IGF1R: variants seen among roughly 807,000 people sequenced by gnomAD.
IGF1R encodes the protein insulin-like growth factor 1 receptor.
In IGF1R, 44 loss-of-function variants were observed where a neutral mutation model predicts 144.6. That is an observed-to-expected ratio of 0.30 (90% CI 0.24 to 0.39). The LOEUF is 0.39. Ranked by LOEUF, IGF1R falls within the 10% of genes least tolerant of loss-of-function variation. The probability of loss-of-function intolerance (pLI) is 1.00; values close to 1 mark genes in which losing one functional copy is unlikely to be tolerated. For missense variants in IGF1R, 1,355 were observed against 1,833.7 expected, an observed-to-expected ratio of 0.74 and a Z score of 4.77; for synonymous variants, 795 against 722.8, an observed-to-expected ratio of 1.10 and a Z score of -1.60.
At chr15:98,864,251 T>C (rs1308502016) in intron 2 of IGF1R, among the ~76,000 whole-genome samples, 1 of 152,192 alleles carries the variant, frequency 6.6e-6, no homozygotes, top group Non-Finnish European at 1.5e-5. Flanking sequence ...CAAGACACTG[T>C]CTCAAATAAA....
intron 2 of IGF1R, among the ~76,000 whole-genome samples, chr15:98,759,162 G>C (rs2055231938): frequency 6.6e-6 from 1 of 152,136 alleles, no homozygotes; most frequent in African/African-American, 2.4e-5. Context: ...CACGCACAGG[G>C]GCAGGGGGCA....
intron 2 of IGF1R, among the ~76,000 whole-genome samples, chr15:98,889,281 C>T (rs1036003655): frequency 1.3e-5 from 2 of 152,144 alleles, no homozygotes; most frequent in East Asian, 1.9e-4. Flanking sequence ...TCAGAGGTGA[C>T]GCTATTCATT....
rs576849094 is a variant in IGF1R at position 98,828,539 on chromosome 15, G to C, written c.641-62786G>C. 7.8e-4 allele frequency among the ~76,000 whole-genome samples: 118 copies of C among 152,142 alleles called. 1 individual carries two copies. Among genetic ancestry groups the C allele is most frequent in the Non-Finnish European group, 1.5e-3 (102 of 68,006 alleles). ...CTTGGGAAACCGTGGAGAGAGAAAA[G>C]GCATAGTCAGAATGTTTTCAGAGGA... On this transcript the variant is annotated intron_variant, in intron 2 of 20. Transcript: ENST00000650285.
intron 2 of IGF1R, among the ~76,000 whole-genome samples, chr15:98,760,349 CA>C (rs772900938): frequency 2.1e-3 from 260 of 125,270 alleles, no homozygotes; most frequent in Admixed American, 3.0e-3. Flanking sequence ...GAGACTGCCT[CA>C]AAAAAAAAAA....
chr15:98,734,678 G>A (rs1360497229), intron 2 of IGF1R: 1 of 152,202 alleles, frequency 6.6e-6, no homozygotes, highest in Non-Finnish European at 1.5e-5. Context: ...ACTGCCCTTT[G>A]TGTTTTAATG....
intron 2 of IGF1R, among the ~76,000 whole-genome samples, chr15:98,864,570 C>T (rs972233960): frequency 5.3e-5 from 8 of 152,138 alleles, no homozygotes; most frequent in African/African-American, 9.7e-5. Flanking sequence ...TTTAATTTTT[C>T]GTAGAGATGG....
chr15:98,741,326 C>G (rs2141315814), intron 2 of IGF1R, among the ~76,000 whole-genome samples: 1 of 133,674 alleles, frequency 7.5e-6, no homozygotes, highest in South Asian at 2.6e-4. Context: ...CTTCCAGAAA[C>G]TTTTAGATGC....
chr15:98,843,138 C>T (rs1204397316), intron 2 of IGF1R, among the ~76,000 whole-genome samples: 1 of 152,216 alleles, frequency 6.6e-6, no homozygotes, highest in Non-Finnish European at 1.5e-5. Flanking sequence ...TGTGAAATTG[C>T]TCTTACCATT....
chr15:98,836,165 G>C (rs767990261), intron 2 of IGF1R, among the ~76,000 whole-genome samples: 2 of 150,778 alleles, frequency 1.3e-5, no homozygotes, highest in Non-Finnish European at 2.9e-5. Context: ...ACTGGCCGGG[G>C]AGAAACTGAA....
At chr15:98,924,473 C>T (rs943625756) in intron 12 of IGF1R, 52 bp from the exon 13 acceptor site, 86 of 1,586,566 alleles carry the variant, frequency 5.4e-5, no homozygotes, top group Non-Finnish European at 1.2e-5. Context: ...TGGCAGGCCC[C>T]AGATTTCTCC....
At chr15:98,926,634 C>T (rs2015732336) in intron 13 of IGF1R, among the ~76,000 whole-genome samples, 1 of 152,146 alleles carries the variant, frequency 6.6e-6, no homozygotes, top group Admixed American at 6.5e-5. Context: ...CTGGTCAGCA[C>T]CAGATATTCT....
chr15:98,856,838 C>T (rs1252939470), intron 2 of IGF1R, among the ~76,000 whole-genome samples: 1 of 152,166 alleles, frequency 6.6e-6, no homozygotes, highest in Admixed American at 6.5e-5. Context: ...GAGCTGACTC[C>T]TGGGCAGAGA....
intron 2 of IGF1R, among the ~76,000 whole-genome samples, chr15:98,806,047 G>A (rs1444780814): frequency 6.6e-6 from 1 of 152,148 alleles, no homozygotes; most frequent in Non-Finnish European, 1.5e-5. Flanking sequence ...TTGTTGCCAG[G>A]CCCCTTGCTT....
chr15:98,769,872 A>AT (rs1340945763), intron 2 of IGF1R, among the ~76,000 whole-genome samples: 1 of 151,906 alleles, frequency 6.6e-6, no homozygotes, highest in Non-Finnish European at 1.5e-5. Context: ...ATGCTCAAAG[A>AT]TTTTTCCAGG....
intron 1 of IGF1R, among the ~76,000 whole-genome samples, chr15:98,658,269 C>T (rs1444050288): frequency 6.6e-6 from 1 of 152,214 alleles, no homozygotes; most frequent in Non-Finnish European, 1.5e-5. Flanking sequence ...CTTCCATCCT[C>T]AATACTGAAT....
At chr15:98,778,792 T>C (rs2055783055) in intron 2 of IGF1R, among the ~76,000 whole-genome samples, 1 of 152,188 alleles carries the variant, frequency 6.6e-6, no homozygotes, top group Non-Finnish European at 1.5e-5. Context: ...AGTGGGTGGA[T>C]CACACATGGC....
At position 98,935,131 on chromosome 15, in the gene IGF1R, T is replaced by C. The variant is rs1011051417; in HGVS notation, c.3186+78T>C. Reference sequence around the variant, plus strand: ...ACAAGCCTCCCAGTATGTTCTTGGCTGCATGTACCCGTGGGTTTGGTGTCT... The same window carrying C: ...ACAAGCCTCCCAGTATGTTCTTGGCCGCATGTACCCGTGGGTTTGGTGTCT... On this transcript the variant is annotated intron_variant, in intron 16 of 20. Transcript: ENST00000650285. The surrounding 1 kb of genome is among the most constrained non-coding windows in gnomAD (Gnocchi z 4.2). 1 of 1,261,274 alleles carries C rather than the reference T, an allele frequency of 7.9e-7. No individual in the cohort carries two copies. The highest frequency in any genetic ancestry group is 1.2e-6 in the Non-Finnish European group (1 of 867,822). The allele number at this position is 1,261,274 out of a possible 1,614,324, so 78.1% of individuals were successfully genotyped here.
intron 17 of IGF1R, among the ~76,000 whole-genome samples, chr15:98,937,984 A>G (rs1442942118): frequency 6.6e-6 from 1 of 152,244 alleles, no homozygotes; most frequent in Non-Finnish European, 1.5e-5. Context: ...ACCAAGAGAC[A>G]GCTTTGACAG....
chr15:98,880,151 A>G (rs1001746509), intron 2 of IGF1R, among the ~76,000 whole-genome samples: 1 of 152,186 alleles, frequency 6.6e-6, no homozygotes, highest in Non-Finnish European at 1.5e-5. Context: ...AAGCTATTGT[A>G]AAAAATGTGT....
Sources: allele counts gnomAD v4.1 joint callset (sites outside exome capture counted in the v4.1 genomes callset), GRCh38; gene constraint gnomAD v4.1.1; non-coding constraint Gnocchi (gnomAD v3.1); transcripts MANE v1.5; gene names NCBI Gene and HGNC (gene_info 2026-07-23, HGNC 2026-07-21).